Variants in KPNA3 observed in about 807,000 individuals in gnomAD.
The protein encoded by KPNA3 is importin subunit alpha-4.
Under a neutral mutation model 73.8 loss-of-function variants are expected in KPNA3, and 13 were observed. That is an observed-to-expected ratio of 0.18 (90% CI 0.11 to 0.28). KPNA3 has a LOEUF of 0.28. Among genes scored for constraint, KPNA3 ranks in the 10% least tolerant of loss-of-function variants. The pLI, the probability that KPNA3 is intolerant of heterozygous loss-of-function variation, is 1.00. For missense variants in KPNA3, 360 were observed against 618.1 expected (o/e 0.58, Z 4.43); for synonymous variants, 186 against 206.9 (o/e 0.90, Z 0.87).
intron 1 of KPNA3, among the ~76,000 whole-genome samples, chr13:49,750,253 T>C (rs1024596812): frequency 6.6e-6 from 1 of 152,202 alleles, no homozygotes; most frequent in African/African-American, 2.4e-5. Context: ...GGTTTTTACA[T>C]TTTTTAAGTG....
chr13:49,750,849 G>T (rs1335162836), intron 1 of KPNA3, among the ~76,000 whole-genome samples: 1 of 151,812 alleles, frequency 6.6e-6, no homozygotes, highest in East Asian at 2.0e-4. Context: ...AAAATTAGCT[G>T]GGCATGGTGG....
At chr13:49,761,846 CA>C (rs1954765091) in intron 1 of KPNA3, among the ~76,000 whole-genome samples, 3 of 151,562 alleles carry the variant, frequency 2.0e-5, no homozygotes, top group Non-Finnish European at 4.4e-5. Context: ...CGCCTCTGCC[CA>C]GACGCCCCGT....
chr13:49,727,916 T>C (rs1363119438), intron 6 of KPNA3, among the ~76,000 whole-genome samples: 2 of 152,050 alleles, frequency 1.3e-5, no homozygotes, highest in Non-Finnish European at 2.9e-5. Context: ...AAATCAGCGG[T>C]TTACAAATGG....
chr13:49,724,544 T>G (rs542528909), intron 7 of KPNA3, among the ~76,000 whole-genome samples: 1 of 152,270 alleles, frequency 6.6e-6, no homozygotes, highest in Admixed American at 6.5e-5. Context: ...CCTGACCTCG[T>G]GATCCACCCG....
Position 49,700,685 on chromosome 13 carries a change from G to A in KPNA3, c.*1115C>T, listed in dbSNP as rs527782339. 4 of 152,686 alleles carry A rather than the reference G, an allele frequency of 2.6e-5. No individual in the cohort carries two copies. The South Asian group carries it at 8.3e-4, about 32-fold the overall frequency. 9.5% of individuals were successfully genotyped at this position (152,686 alleles called of 1,614,324 possible). On this transcript the variant is annotated 3_prime_UTR_variant, in exon 17 of 17. Coordinates refer to ENST00000261667, the MANE Select transcript of KPNA3 (RefSeq NM_002267.4). Reference sequence around the variant, plus strand: ...TTATGACACTTCTAAATAGTTGCTGGTTTGTTGCCAACCACATTATCAAAA... The same window carrying A: ...TTATGACACTTCTAAATAGTTGCTGATTTGTTGCCAACCACATTATCAAAA...
chr13:49,787,439 T>A (rs78133720), intron 1 of KPNA3, among the ~76,000 whole-genome samples: 4,318 of 152,318 alleles, frequency 0.028, 212 homozygotes, highest in African/African-American at 0.098. Flanking sequence ...GGTTTGTACA[T>A]GTCAAGTCTT....
chr13:49,725,704 C>A (rs1000373323), intron 6 of KPNA3, among the ~76,000 whole-genome samples: 17 of 150,726 alleles, frequency 1.1e-4, no homozygotes, highest in African/African-American at 1.7e-4. Flanking sequence ...AGTGCAGTGG[C>A]GCCATCTTGA....
intron 1 of KPNA3, among the ~76,000 whole-genome samples, chr13:49,756,078 G>A (rs987113332): frequency 6.6e-6 from 1 of 152,062 alleles, no homozygotes; most frequent in Admixed American, 6.6e-5. Flanking sequence ...GATTAGCCTG[G>A]GCAAAATGGC....
chr13:49,755,079 G>C (rs1954699175), intron 1 of KPNA3, among the ~76,000 whole-genome samples: 1 of 150,864 alleles, frequency 6.6e-6, no homozygotes, highest in Non-Finnish European at 1.5e-5. Flanking sequence ...AAAAAAAGAA[G>C]AAAAAGAAAC....
At chr13:49,773,083 GTTAATA>G (rs1459207566) in intron 1 of KPNA3, among the ~76,000 whole-genome samples, 6 of 152,024 alleles carry the variant, frequency 3.9e-5, no homozygotes, top group South Asian at 2.1e-4. Context: ...AAATATTAAT[GTTAATA>G]TTAAGTTTTA....
intron 10 of KPNA3, among the ~76,000 whole-genome samples, chr13:49,715,001 T>A (rs1038717792): frequency 6.6e-6 from 1 of 151,986 alleles, no homozygotes; most frequent in Non-Finnish European, 1.5e-5. Context: ...ATATCATTAA[T>A]ATAAGTTTTA....
intron 1 of KPNA3, among the ~76,000 whole-genome samples, chr13:49,773,098 TA>T (rs1954868526): frequency 6.6e-6 from 1 of 152,290 alleles, no homozygotes; most frequent in South Asian, 2.1e-4. Context: ...TATTAAGTTT[TA>T]AAAAAATCAG....
chr13:49,706,537 T>C (rs1193611496), intron 12 of KPNA3, among the ~76,000 whole-genome samples, 165 bp from the exon 13 acceptor site: 1 of 152,200 alleles, frequency 6.6e-6, no homozygotes, highest in Non-Finnish European at 1.5e-5. Flanking sequence ...AAACAAGTTA[T>C]AAGGAAATTT....
At chr13:49,789,659 C>G (rs1004463848) in intron 1 of KPNA3, among the ~76,000 whole-genome samples, 2 of 152,186 alleles carry the variant, frequency 1.3e-5, no homozygotes, top group Non-Finnish European at 2.9e-5. Context: ...TGTACTGTTT[C>G]TAATGGACAA....
At chr13:49,758,784 A>G (rs927840988) in intron 1 of KPNA3, among the ~76,000 whole-genome samples, 1 of 152,166 alleles carries the variant, frequency 6.6e-6, no homozygotes, top group African/African-American at 2.4e-5. Flanking sequence ...ATACATACAC[A>G]CACACACAAA....
chr13:49,712,571 C>T (rs1954269547), intron 10 of KPNA3, among the ~76,000 whole-genome samples: 1 of 151,522 alleles, frequency 6.6e-6, no homozygotes, highest in Non-Finnish European at 1.5e-5. Flanking sequence ...ATATTTGTGT[C>T]TTCAGAGACC....
Position 49,745,994 on chromosome 13 carries a change from C to T in KPNA3, c.114+955G>A, listed in dbSNP as rs796555939. Among the ~76,000 whole-genome samples, 8 of 134,222 alleles carry T rather than the reference C, an allele frequency of 6.0e-5. No homozygotes were observed. The South Asian group carries it at 7.8e-4, about 13-fold the overall frequency. 88.1% of individuals were successfully genotyped at this position (134,222 alleles called of 152,430 possible). On this transcript the variant is annotated intron_variant, in intron 2 of 16. Coordinates refer to ENST00000261667, the MANE Select transcript of KPNA3 (RefSeq NM_002267.4). ...AGAAGAATGGCATGAACCCGGGAGG[C>T]GGAGGTTGCAGTGAGTCGAGATCAC...
chr13:49,772,175 G>C (rs963378901), intron 1 of KPNA3, among the ~76,000 whole-genome samples: 1 of 151,932 alleles, frequency 6.6e-6, no homozygotes, highest in Non-Finnish European at 1.5e-5. Context: ...TTGTTTTCTT[G>C]CCTAATTGTG....
chr13:49,713,513 TAA>T (rs1224751053), intron 10 of KPNA3, among the ~76,000 whole-genome samples: 1 of 152,050 alleles, frequency 6.6e-6, no homozygotes, highest in African/African-American at 2.4e-5. Context: ...ATAAATTACC[TAA>T]GTCAGAAACA....
Sources: gnomAD v4.1 joint callset for allele counts (sites outside exome capture counted in the v4.1 genomes callset) on GRCh38, gnomAD v4.1.1 for gene constraint, MANE v1.5 for transcripts, NCBI Gene and HGNC (gene_info 2026-07-23, HGNC 2026-07-21) for gene names.